The following HS3ST3A1 variants were observed in gnomAD, a reference collection of about 807,000 sequenced individuals.
HS3ST3A1 encodes heparan sulfate-glucosamine 3-sulfotransferase 3A1.
Under a neutral mutation model 25.7 loss-of-function variants are expected in HS3ST3A1, and 19 were observed. The ratio of observed to expected loss-of-function variants is 0.74; its 90% confidence interval spans 0.52 to 1.08. HS3ST3A1 has a LOEUF of 1.08. Among genes scored for constraint, HS3ST3A1 ranks in the 50% least tolerant of loss-of-function variants. HS3ST3A1 has a pLI of 0.00. For synonymous variants in HS3ST3A1, 226 were observed against 278.6 expected, an observed-to-expected ratio of 0.81 and a Z score of 1.88; for missense variants, 459 against 594.3, an observed-to-expected ratio of 0.77 and a Z score of 2.37.
chr17:13,526,516 T>TATATATATATA (rs1567614552), intron 1 of HS3ST3A1, among the ~76,000 whole-genome samples: 2 of 85,502 alleles, frequency 2.3e-5, no homozygotes, highest in African/African-American at 8.7e-5. Flanking sequence ...ATATATATAT[T>TATATATATATA]ATTGGGTTGG....
At chr17:13,559,084 G>T (rs974059487) in intron 1 of HS3ST3A1, among the ~76,000 whole-genome samples, 1 of 152,224 alleles carries the variant, frequency 6.6e-6, no homozygotes, top group East Asian at 1.9e-4. Context: ...TGGGGAAATT[G>T]TAACAATTAT....
intron 1 of HS3ST3A1, among the ~76,000 whole-genome samples, chr17:13,593,341 T>G (rs1206054998): frequency 6.6e-6 from 1 of 152,136 alleles, no homozygotes; most frequent in Non-Finnish European, 1.5e-5. Context: ...TACATCAACG[T>G]TTTTGTTCTC....
intron 1 of HS3ST3A1, among the ~76,000 whole-genome samples, chr17:13,588,663 G>A (rs1908341118): frequency 6.6e-6 from 1 of 151,332 alleles, no homozygotes; most frequent in Non-Finnish European, 1.5e-5. Flanking sequence ...CACTCTCTTA[G>A]TATAGTCCAT....
intron 1 of HS3ST3A1, among the ~76,000 whole-genome samples, chr17:13,522,815 A>C (rs1315133084): frequency 1.3e-5 from 2 of 148,216 alleles, no homozygotes; most frequent in Non-Finnish European, 3.0e-5. Flanking sequence ...GTCAAGCTTC[A>C]TAATCACACA....
Position 13,496,220 on chromosome 17 carries a change from G to T in HS3ST3A1, c.1198C>A (p.His400Asn). The part of the protein sequence containing the change: ...FNLKFYQMTG[H>N]DFGWDG The stretch of plus-strand genomic sequence containing the variant: ...GGTTATCCATCCCAGCCAAAGTCGT[G>T]CCCGGTCATCTGGTAGAACTTGAGG... Residue 400 changes from histidine to asparagine, a missense_variant, in exon 2 of 2, where the codon CAC becomes AAC. Transcript: ENST00000284110. 2 of 1,599,762 alleles carry T rather than the reference G, an allele frequency of 1.3e-6. No individual in the cohort carries two copies. Among genetic ancestry groups the T allele is most frequent in the Non-Finnish European group, 1.7e-6 (2 of 1,173,596 alleles).
At chr17:13,514,139 T>A (rs373631446) in intron 1 of HS3ST3A1, among the ~76,000 whole-genome samples, 4 of 152,128 alleles carry the variant, frequency 2.6e-5, no homozygotes, top group South Asian at 4.1e-4. Context: ...CTAATGGGAT[T>A]TTTTTTCTTA....
Position 13,601,156 on chromosome 17 carries a change from G to A in HS3ST3A1, c.-27C>T. 1.3e-6 allele frequency: 2 copies of A among 1,481,762 alleles called. No individual in the cohort carries two copies. The highest frequency in any genetic ancestry group is 1.8e-6 in the Non-Finnish European group (2 of 1,115,852). The allele number at this position is 1,481,762 out of a possible 1,614,324, so 91.8% of individuals were successfully genotyped here. On this transcript the variant is annotated 5_prime_UTR_variant, in exon 1 of 2. Transcript: ENST00000284110. ...CTAGCCGGAGGCGACGTCGGGCAAC[G>A]CGCCGGCCATGCTAGGCCTGGACCC...
chr17:13,597,509 C>T (rs1431375702), intron 1 of HS3ST3A1, among the ~76,000 whole-genome samples: 1 of 152,134 alleles, frequency 6.6e-6, no homozygotes, highest in African/African-American at 2.4e-5. Context: ...TTTACCGTGA[C>T]ATGCAAGCCA....
chr17:13,507,666 T>C (rs1178114710), intron 1 of HS3ST3A1, among the ~76,000 whole-genome samples: 1 of 152,232 alleles, frequency 6.6e-6, no homozygotes, highest in East Asian at 1.9e-4. Flanking sequence ...TGAGTTGTAA[T>C]GCAAAGGTAG....
Position 13,597,759 on chromosome 17 carries a change from T to C in HS3ST3A1, c.599+2772A>G, listed in dbSNP as rs558888079. 2.6e-5 allele frequency among the ~76,000 whole-genome samples: 4 copies of C among 152,374 alleles called. No individual in the cohort carries two copies. In the South Asian group the frequency reaches 8.3e-4, roughly 32 times the overall value. On this transcript the variant is annotated intron_variant, in intron 1 of 1. Coordinates refer to ENST00000284110, the MANE Select transcript of HS3ST3A1 (RefSeq NM_006042.3). ...GTGCTCAAATGAAGGAAGTGTTTAT[T>C]ACTTCACTCTTGGAAAAAACTTCAT... is the stretch of plus-strand genomic sequence containing the variant.
rs537927612 is a variant in HS3ST3A1, at chr17:13,511,329, A to G, written c.600-14511T>C. 2.0e-5 allele frequency among the ~76,000 whole-genome samples: 3 copies of G among 152,208 alleles called. No individual in the cohort carries two copies. In the South Asian group the frequency reaches 6.2e-4, roughly 32 times the overall value. ...AACAAAAGGGCCAAATGCTGAGAAC[A>G]TACAGGGGTTGTGTTGCAGCAGATA... On this transcript the variant is annotated intron_variant, in intron 1 of 1. Transcript: ENST00000284110.
chr17:13,548,400 T>A (rs926888196), intron 1 of HS3ST3A1, among the ~76,000 whole-genome samples: 1 of 152,212 alleles, frequency 6.6e-6, no homozygotes, highest in Non-Finnish European at 1.5e-5. Flanking sequence ...TTAAGCCTGA[T>A]TATCTACTGA....
chr17:13,533,371 A>G (rs1414539475), intron 1 of HS3ST3A1, among the ~76,000 whole-genome samples: 2 of 152,018 alleles, frequency 1.3e-5, no homozygotes, highest in Non-Finnish European at 2.9e-5. Flanking sequence ...TTGAAGAAAC[A>G]GAAAAAGGAA....
In HS3ST3A1 at chr17:13,494,403, T is replaced by A. The variant is rs559787922; in HGVS notation, c.*1794A>T. 1.3e-5 allele frequency among the ~76,000 whole-genome samples: 2 copies of A among 152,340 alleles called. No homozygotes were observed. The highest frequency in any genetic ancestry group is 3.9e-4 in the East Asian group (2 of 5,188). On this transcript the variant is annotated 3_prime_UTR_variant, in exon 2 of 2. Transcript: ENST00000284110. ...GACAAAATATCTAACACTTAAAATATTTTTTCCTTCATTTTAATCCTGTGT... is the reference window on the plus strand; with the variant it reads ...GACAAAATATCTAACACTTAAAATAATTTTTCCTTCATTTTAATCCTGTGT...
intron 1 of HS3ST3A1, among the ~76,000 whole-genome samples, chr17:13,570,048 G>A (rs560529592): frequency 6.6e-6 from 1 of 152,336 alleles, no homozygotes; most frequent in South Asian, 2.1e-4. Flanking sequence ...TTAACAAACA[G>A]TTATTCTAAC....
intron 1 of HS3ST3A1, among the ~76,000 whole-genome samples, chr17:13,513,584 A>C (rs572508718): frequency 3.9e-5 from 6 of 152,328 alleles, no homozygotes; most frequent in African/African-American, 1.4e-4. Context: ...CTTATTTATA[A>C]AATTCAATTA....
chr17:13,560,572 G>C (rs117878017), intron 1 of HS3ST3A1, among the ~76,000 whole-genome samples: 1,973 of 152,176 alleles, frequency 0.013, 31 homozygotes, highest in East Asian at 0.037. Flanking sequence ...CGTGTGTCTG[G>C]ATTTTTGGTT....
chr17:13,527,142 A>G (rs767981019), intron 1 of HS3ST3A1, among the ~76,000 whole-genome samples: 1 of 152,192 alleles, frequency 6.6e-6, no homozygotes, highest in Non-Finnish European at 1.5e-5. Flanking sequence ...AGCAGGTCCC[A>G]GGACTGAACC....
intron 1 of HS3ST3A1, among the ~76,000 whole-genome samples, chr17:13,546,323 C>A (rs3785706): frequency 6.6e-6 from 1 of 152,060 alleles, no homozygotes; most frequent in Non-Finnish European, 1.5e-5. Context: ...TGGAGTGCAG[C>A]GGCGTGATCT....
Sources: gnomAD v4.1 joint callset for allele counts (sites outside exome capture counted in the v4.1 genomes callset) on GRCh38, gnomAD v4.1.1 for gene constraint, MANE v1.5 for transcripts, NCBI Gene and HGNC (gene_info 2026-07-23, HGNC 2026-07-21) for gene names.